VPS13A: variants seen among roughly 807,000 people sequenced by gnomAD.
VPS13A encodes the protein vacuolar protein sorting 13 homolog A, also known as intermembrane lipid transfer protein VPS13A.
Under a neutral mutation model 390.9 loss-of-function variants are expected in VPS13A, and 264 were observed. The ratio of observed to expected loss-of-function variants is 0.68; its 90% CI spans 0.61 to 0.75. The LOEUF is 0.75. VPS13A is among the 30% of genes least tolerant of loss of function. The pLI, the probability that VPS13A is intolerant of heterozygous loss-of-function variation, is 0.00. For missense variants in VPS13A, 3,409 were observed against 3,733.9 expected, an observed-to-expected ratio of 0.91 and a Z score of 2.27; for synonymous variants, 1,231 against 1,227.1, an observed-to-expected ratio of 1.00 and a Z score of -0.07.
At chr9:77,317,582 G>T (rs1306246635) in intron 39 of VPS13A, 24 bp from the exon 40 acceptor site, 2 of 1,511,232 alleles carry the variant, frequency 1.3e-6, no homozygotes, top group Non-Finnish European at 1.8e-6. Context: ...CATTAATTTA[G>T]TGGTATTGAT....
intron 1 of VPS13A, among the ~76,000 whole-genome samples, chr9:77,188,204 A>G (rs1173761781): frequency 1.3e-5 from 2 of 152,140 alleles, no homozygotes; most frequent in African/African-American, 4.8e-5. Flanking sequence ...AGCTGGGCAG[A>G]TAGATGCTGG....
intron 9 of VPS13A, 88 bp downstream of exon 9, chr9:77,213,402 A>C (rs1826081207): frequency 3.6e-6 from 4 of 1,123,626 alleles, no homozygotes; most frequent in Non-Finnish European, 5.3e-6. Flanking sequence ...TACTGTAGTC[A>C]GTATTTTTTC....
intron 53 of VPS13A, 31 bp from the exon 54 acceptor site, chr9:77,353,378 T>TC (rs761637199): frequency 2.0e-6 from 1 of 507,274 alleles, no homozygotes; most frequent in African/African-American, 2.5e-5. Context: ...AATTTTTTGG[T>TC]TTTTTTTTTT....
intron 60 of VPS13A, among the ~76,000 whole-genome samples, chr9:77,366,255 A>G (rs900050986): frequency 6.6e-6 from 1 of 152,028 alleles, no homozygotes; most frequent in Non-Finnish European, 1.5e-5. Flanking sequence ...ATCTAACACA[A>G]TGCCTATTTT....
At chr9:77,335,587 C>A (rs533364967) in intron 46 of VPS13A, among the ~76,000 whole-genome samples, 2 of 152,008 alleles carry the variant, frequency 1.3e-5, no homozygotes, top group South Asian at 2.1e-4. Context: ...ATGTGGCCAA[C>A]AAATGTATGA....
chr9:77,342,533 A>G (rs1178267622), intron 50 of VPS13A, among the ~76,000 whole-genome samples: 1 of 152,162 alleles, frequency 6.6e-6, no homozygotes, highest in Admixed American at 6.5e-5. Context: ...TGGGTGGTTG[A>G]GATAGTGACA....
rs1835337409 is a variant in VPS13A, at chr9:77,421,471, T to C, written c.*5465T>C. Reference sequence around the variant, plus strand: ...ATTTCTTGGTATTGGTAGATTTGGATTGCATGGTAAGATGACTGCCCATTT... The same window carrying C: ...ATTTCTTGGTATTGGTAGATTTGGACTGCATGGTAAGATGACTGCCCATTT... On this transcript the variant is annotated 3_prime_UTR_variant, in exon 72 of 72. Coordinates refer to ENST00000360280, the MANE Select transcript of VPS13A (RefSeq NM_033305.3). 1 of 152,252 alleles carries C rather than the reference T, an allele frequency of 6.6e-6. No homozygotes were observed. The highest frequency in any genetic ancestry group is 2.4e-5 in the African/African-American group (1 of 41,474). 9.4% of individuals were successfully genotyped at this position (152,252 alleles called of 1,614,324 possible).
At chr9:77,210,135 C>T (rs1030641976) in intron 6 of VPS13A, among the ~76,000 whole-genome samples, 1 of 148,380 alleles carries the variant, frequency 6.7e-6, no homozygotes, top group Non-Finnish European at 1.5e-5. Flanking sequence ...AAAGTTATCC[C>T]TCCCTCCCTT....
Position 77,326,661 on chromosome 9 carries a change from A to C in VPS13A, c.5991+3434A>C, listed in dbSNP as rs1830032395. On this transcript the variant is annotated intron_variant, in intron 45 of 71. Transcript: ENST00000360280. ...TGGATATAATTTTAATAAATGTTTT[A>C]ATGTCCTTGTCTACCAATTCTATTA... is the stretch of plus-strand genomic sequence containing the variant. Among the ~76,000 whole-genome samples, 3 of 151,908 alleles carry C rather than the reference A, an allele frequency of 2.0e-5. No individual in the cohort carries two copies. The South Asian group carries it at 6.2e-4, about 32-fold the overall frequency.
chr9:77,177,585 C>A lies in VPS13A; in HGVS notation c.-120C>A. 1.1e-6 allele frequency: 1 copy of A among 887,144 alleles called. No homozygotes were observed. The highest frequency in any genetic ancestry group is 1.8e-6 in the Non-Finnish European group (1 of 557,880). The allele number at this position is 887,144 out of a possible 1,614,324, so 55.0% of individuals were successfully genotyped here. Reference sequence around the variant, plus strand: ...GGGCTGCGCGTTGGGCCAGCGGGGGCGCCGCAGCTGAAGCCGCCCCGGAGC... The same window carrying A: ...GGGCTGCGCGTTGGGCCAGCGGGGGAGCCGCAGCTGAAGCCGCCCCGGAGC... On this transcript the variant is annotated 5_prime_UTR_variant, in exon 1 of 72. Coordinates refer to ENST00000360280, the MANE Select transcript of VPS13A (RefSeq NM_033305.3).
At chr9:77,263,584 A>G (rs890332177) in intron 23 of VPS13A, among the ~76,000 whole-genome samples, 2 of 151,732 alleles carry the variant, frequency 1.3e-5, no homozygotes, top group Admixed American at 6.6e-5. Context: ...CTACTTTTTG[A>G]TGGGGTTGTT....
At chr9:77,201,777 C>G (rs1012677624) in intron 3 of VPS13A, among the ~76,000 whole-genome samples, 9 of 152,110 alleles carry the variant, frequency 5.9e-5, no homozygotes, top group Non-Finnish European at 1.5e-5. Flanking sequence ...ATCATCCAGG[C>G]CCTGTGACTA....
chr9:77,231,995 T>C (rs1046282927), intron 17 of VPS13A, among the ~76,000 whole-genome samples: 1 of 152,192 alleles, frequency 6.6e-6, no homozygotes, highest in South Asian at 2.1e-4. Flanking sequence ...CTCACACTTG[T>C]TGAAGACACT....
Position 77,207,231 on chromosome 9 carries a change from A to ATG in VPS13A, c.385+1153_385+1154insGT, listed in dbSNP as rs1825699588. Among the ~76,000 whole-genome samples, 20 of 97,328 alleles carry ATG rather than the reference A, an allele frequency of 2.1e-4. 1 individual carries two copies. Among genetic ancestry groups the ATG allele is most frequent in the Admixed American group, 9.8e-4 (8 of 8,144 alleles). 63.9% of individuals were successfully genotyped at this position (97,328 alleles called of 152,430 possible). A position where few individuals can be genotyped will look rare whatever the true frequency, so the allele number is the denominator to read the frequency against. On this transcript the variant is annotated intron_variant, in intron 5 of 71. Transcript: ENST00000360280. Reference sequence around the variant, plus strand: ...TTAGATATTATATATATATATATATATATATATATATATATATATATAAAA... The same window carrying ATG: ...TTAGATATTATATATATATATATATATGTATATATATATATATATATATAAAA...
chr9:77,406,208 T>C (rs576635216), intron 70 of VPS13A, among the ~76,000 whole-genome samples: 3 of 151,978 alleles, frequency 2.0e-5, no homozygotes, highest in African/African-American at 7.2e-5. Context: ...GACAATAACA[T>C]TCCTGGGCCC....
intron 52 of VPS13A, among the ~76,000 whole-genome samples, chr9:77,348,840 G>C (rs1831306857): frequency 6.6e-6 from 1 of 152,020 alleles, no homozygotes; most frequent in Admixed American, 6.6e-5. Flanking sequence ...GCCTGTCCCA[G>C]GTAGTCCAGT....
Position 77,365,591 on chromosome 9 carries a change from T to G in VPS13A, c.8325+18T>G. The G allele has an allele frequency of 6.7e-7, 1 of 1,494,966 alleles. No individual in the cohort carries two copies. Among genetic ancestry groups the G allele is most frequent in the South Asian group, 1.1e-5 (1 of 88,356 alleles). 92.6% of individuals were successfully genotyped at this position (1,494,966 alleles called of 1,614,324 possible). On this transcript the variant is annotated intron_variant, in intron 60 of 71. Transcript: ENST00000360280. Reference sequence around the variant, plus strand: ...CTATCAAGGTAGGAGAAAGTCATTTTTATTGTCCTTGATAATCTAGGTAAT... The same window carrying G: ...CTATCAAGGTAGGAGAAAGTCATTTGTATTGTCCTTGATAATCTAGGTAAT...
At chr9:77,353,283 C>T in intron 53 of VPS13A, 126 bp from the exon 54 acceptor site, 2 of 684,750 alleles carry the variant, frequency 2.9e-6, no homozygotes, top group Non-Finnish European at 2.5e-6. Context: ...ATTTAGTTGC[C>T]ACTAACCCCA....
chr9:77,265,570 G>T (rs984304411), intron 23 of VPS13A, among the ~76,000 whole-genome samples: 5 of 152,184 alleles, frequency 3.3e-5, no homozygotes, highest in Admixed American at 2.0e-4. Flanking sequence ...CTAGATTTTT[G>T]TAGTTTATTT....
Sources: gnomAD v4.1 joint callset for allele counts (sites outside exome capture counted in the v4.1 genomes callset) on GRCh38, gnomAD v4.1.1 for gene constraint, MANE v1.5 for transcripts, NCBI Gene and HGNC (gene_info 2026-07-23, HGNC 2026-07-21) for gene names.